SEM1: variants seen among roughly 807,000 people sequenced by gnomAD.
SEM1 encodes the protein SEM1 26S proteasome subunit.
In SEM1, 3 loss-of-function variants were observed where a neutral mutation model predicts 12.7. The observed-to-expected ratio is 0.24, with a 90% CI of 0.11 to 0.61. SEM1 has a LOEUF of 0.61. SEM1 is among the 20% of genes least tolerant of loss of function. SEM1 has a pLI of 0.88. For missense variants in SEM1, 59 were observed against 81.3 expected (o/e 0.73, Z 1.06); for synonymous variants, 30 against 27.8 (o/e 1.08, Z -0.25).
chr7:96,669,328 T>C (rs1789250632), downstream of SEM1, among the ~76,000 whole-genome samples: 1 of 152,220 alleles, frequency 6.6e-6, no homozygotes, highest in Non-Finnish European at 1.5e-5. Flanking sequence ...GTCTCTGTCA[T>C]AAATACTCAA....
upstream of SEM1, among the ~76,000 whole-genome samples, chr7:96,498,136 GC>G (rs149248855): frequency 1.5e-4 from 23 of 152,270 alleles, no homozygotes; most frequent in East Asian, 4.4e-3. Flanking sequence ...AGATGAGGAT[GC>G]CAAGGATTAG....
At chr7:96,545,425 C>G (rs1805076235) in intron 2 of SEM1, among the ~76,000 whole-genome samples, 1 of 151,834 alleles carries the variant, frequency 6.6e-6, no homozygotes, top group South Asian at 2.1e-4. Context: ...AGTAGTAAAA[C>G]TCAACAACTT....
At chr7:96,604,243 C>T (rs1188811946) in intron 2 of SEM1, among the ~76,000 whole-genome samples, 1 of 152,110 alleles carries the variant, frequency 6.6e-6, no homozygotes, top group African/African-American at 2.4e-5. Flanking sequence ...AATATTACTT[C>T]CATAACTATT....
intron 1 of SEM1, among the ~76,000 whole-genome samples, chr7:96,697,553 A>G (rs1172562743): frequency 1.3e-5 from 2 of 152,174 alleles, no homozygotes; most frequent in South Asian, 4.1e-4. Context: ...ATAGGGTTGC[A>G]AATGTTCTAT....
chr7:96,579,419 A>G (rs76038295), intron 2 of SEM1, among the ~76,000 whole-genome samples: 1,957 of 152,306 alleles, frequency 0.013, 41 homozygotes, highest in African/African-American at 0.045. Flanking sequence ...TGTAAAACAC[A>G]TACATTTCCT....
Position 96,590,207 on chromosome 7 carries a change from G to A in SEM1, c.171-83509C>T, listed in dbSNP as rs141185391. 2.5e-3 allele frequency among the ~76,000 whole-genome samples: 373 copies of A among 152,192 alleles called. 6 individuals carry two copies. Among genetic ancestry groups the A allele is most frequent in the Admixed American group, 0.019 (290 of 15,286 alleles). On this transcript the variant is annotated intron_variant and NMD_transcript_variant, in intron 2 of 3. Transcript: ENST00000466986. ...GCTTTACTCAACTTTAGGGTTCCCAGATAAAATACAGAGTGCCTACTTAAA... is the reference window on the plus strand; with the variant it reads ...GCTTTACTCAACTTTAGGGTTCCCAAATAAAATACAGAGTGCCTACTTAAA...
intron 2 of SEM1, among the ~76,000 whole-genome samples, chr7:96,552,401 T>G (rs1046639803): frequency 6.6e-6 from 1 of 151,706 alleles, no homozygotes; most frequent in Non-Finnish European, 1.5e-5. Context: ...CCATGTGATC[T>G]CATTGTTCAA....
At chr7:96,615,450 T>C (rs1368757611) in intron 2 of SEM1, among the ~76,000 whole-genome samples, 1 of 152,072 alleles carries the variant, frequency 6.6e-6, no homozygotes, top group African/African-American at 2.4e-5. Flanking sequence ...AGACAAGGTT[T>C]CGCCAGGTTG....
Position 96,650,377 on chromosome 7 carries a change from G to A in SEM1, c.171-27734C>T, listed in dbSNP as rs944833168. 14 of 615,506 alleles carry A rather than the reference G, an allele frequency of 2.3e-5. No homozygotes were observed. The African/African-American group carries it at 2.4e-4, about 11-fold the overall frequency. 38.1% of individuals were successfully genotyped at this position (615,506 alleles called of 1,614,324 possible). A position where few individuals can be genotyped will look rare whatever the true frequency, so the allele number is the denominator to read the frequency against. On this transcript the variant is annotated intron_variant, in intron 2 of 2. Transcript: ENST00000417009. ...AAGACAGGATTTCATCTCTGAAAGGGAACAGGTTCCAGCCTCCTGGGCATG... is the reference window on the plus strand; with the variant it reads ...AAGACAGGATTTCATCTCTGAAAGGAAACAGGTTCCAGCCTCCTGGGCATG...
intron 2 of SEM1, chr7:96,484,882 G>A (rs1192842623): frequency 2.3e-6 from 3 of 1,281,622 alleles, no homozygotes; most frequent in Admixed American, 2.3e-5. Flanking sequence ...CATGATTCAA[G>A]TCTCTGGAAT....
At chr7:96,683,001 A>G (rs1220214594) in intron 2 of SEM1, among the ~76,000 whole-genome samples, 2 of 152,078 alleles carry the variant, frequency 1.3e-5, no homozygotes, top group African/African-American at 2.4e-5. Context: ...CAAAACCACA[A>G]TGAGATACCA....
At chr7:96,586,428 C>G (rs1216594015) in intron 2 of SEM1, among the ~76,000 whole-genome samples, 1 of 152,110 alleles carries the variant, frequency 6.6e-6, no homozygotes, top group African/African-American at 2.4e-5. Context: ...TCAGTTCGTT[C>G]CCTCCTACAA....
intron 2 of SEM1, among the ~76,000 whole-genome samples, chr7:96,580,260 A>T (rs1461826267): frequency 6.8e-6 from 1 of 147,728 alleles, no homozygotes; most frequent in East Asian, 2.0e-4. Context: ...GAGAATGATG[A>T]TTTCCAATTT....
At chr7:96,573,900 G>A (rs1352674533) in intron 2 of SEM1, among the ~76,000 whole-genome samples, 4 of 150,484 alleles carry the variant, frequency 2.7e-5, no homozygotes, top group South Asian at 2.1e-4. Flanking sequence ...CCAATCAAAC[G>A]TAGGTTTGGT....
At chr7:96,623,090 C>T (rs1195977393) in intron 2 of SEM1, 1 of 154,334 alleles carries the variant, frequency 6.5e-6, no homozygotes, top group African/African-American at 2.4e-5. Flanking sequence ...TAGGCATCAT[C>T]AATCCACTGA....
At chr7:96,654,045 T>C (rs1271554206) in intron 2 of SEM1, among the ~76,000 whole-genome samples, 2 of 152,188 alleles carry the variant, frequency 1.3e-5, no homozygotes, top group Admixed American at 6.5e-5. Context: ...GAGAAGAGTA[T>C]GTTTAAATGG....
chr7:96,576,195 C>T, intron 2 of SEM1, among the ~76,000 whole-genome samples: 1 of 152,110 alleles, frequency 6.6e-6, no homozygotes, highest in East Asian at 1.9e-4. Context: ...TATCTTTTTC[C>T]TTTCAACCAT....
In SEM1 at chr7:96,591,221, T is replaced by C. The variant is rs557418555; in HGVS notation, c.171-84523A>G. 2.6e-5 allele frequency among the ~76,000 whole-genome samples: 4 copies of C among 152,262 alleles called. No individual in the cohort carries two copies. In the South Asian group the frequency reaches 8.3e-4, roughly 32 times the overall value. ...GGTAGGACTGCAGTATTTATTTTGT[T>C]TGATTTCCTTTTTTGATCATTTCTT... On this transcript the variant is annotated intron_variant and NMD_transcript_variant, in intron 2 of 3. Transcript: ENST00000466986.
intron 2 of SEM1, among the ~76,000 whole-genome samples, chr7:96,657,637 A>G (rs1809222194): frequency 6.6e-6 from 1 of 152,246 alleles, no homozygotes; most frequent in East Asian, 1.9e-4. Flanking sequence ...CCTCAAAGGT[A>G]AGAGTTTAAT....
Sources: allele counts gnomAD v4.1 joint callset (sites outside exome capture counted in the v4.1 genomes callset), GRCh38; gene constraint gnomAD v4.1.1; transcripts MANE v1.5; gene names NCBI Gene and HGNC (gene_info 2026-07-23, HGNC 2026-07-21).